CNBD2: variants seen among roughly 807,000 people sequenced by gnomAD.
CNBD2 encodes the protein cyclic nucleotide-binding domain-containing protein 2.
In CNBD2, 64 loss-of-function variants were observed where a neutral mutation model predicts 63.7. That is an observed-to-expected ratio of 1.00 (90% CI 0.82 to 1.24). The LOEUF is 1.24. Ranked by LOEUF, CNBD2 falls within the 50% of genes most tolerant of loss-of-function variation. The pLI, the probability that CNBD2 is intolerant of heterozygous loss-of-function variation, is 0.00. For missense variants in CNBD2, 691 were observed against 713.5 expected (o/e 0.97, Z 0.36); for synonymous variants, 229 against 255.4 (o/e 0.90, Z 0.99).
At chr20:36,019,838 C>A (rs1474788839) in intron 10 of CNBD2, among the ~76,000 whole-genome samples, 1 of 152,180 alleles carries the variant, frequency 6.6e-6, no homozygotes, top group Non-Finnish European at 1.5e-5. Flanking sequence ...TGTGTGCATG[C>A]AGCAAGTGGG....
At chr20:35,975,833 T>G (rs1601023278) in intron 2 of CNBD2, 116 bp from the exon 3 acceptor site, 1 of 902,968 alleles carries the variant, frequency 1.1e-6, no homozygotes. Context: ...TGCTATGAGG[T>G]TTCCCATGGC....
At chr20:36,000,124 T>G (rs902874789) in intron 8 of CNBD2, among the ~76,000 whole-genome samples, 6 of 152,248 alleles carry the variant, frequency 3.9e-5, no homozygotes, top group African/African-American at 1.4e-4. Context: ...CCTGAAGTAC[T>G]TCCTTTAACA....
rs777826753 is a variant in CNBD2 at position 35,995,059 on chromosome 20, CTGT to C, written c.880_882del (p.Leu294del). The C allele has an allele frequency of 1.1e-5, 17 of 1,614,126 alleles. No homozygotes were observed. In the South Asian group the frequency reaches 1.9e-4, roughly 18 times the overall value. On this transcript the variant is annotated inframe_deletion, in exon 8 of 12. Coordinates refer to ENST00000373973, the MANE Select transcript of CNBD2 (RefSeq NM_001365709.1). ...TCAGGGCAGCTGTGAAGTCCTGCGG[CTGT>C]TGGACCTTGGGGCCTCCCCTTCCTA... is the stretch of plus-strand genomic sequence containing the variant.
chr20:35,977,470 G>A (rs2056537081), intron 3 of CNBD2, among the ~76,000 whole-genome samples: 1 of 152,170 alleles, frequency 6.6e-6, no homozygotes, highest in African/African-American at 2.4e-5. Context: ...AGGAGTTTTA[G>A]ACCAGTCTGA....
intron 10 of CNBD2, among the ~76,000 whole-genome samples, chr20:36,021,281 T>TA (rs2057204003): frequency 6.6e-6 from 1 of 152,118 alleles, no homozygotes; most frequent in African/African-American, 2.4e-5. Flanking sequence ...TGGAGGCTGT[T>TA]ATGTTAAGTG....
At chr20:35,982,771 G>T (rs2056614390) in intron 4 of CNBD2, among the ~76,000 whole-genome samples, 1 of 151,694 alleles carries the variant, frequency 6.6e-6, no homozygotes, top group Non-Finnish European at 1.5e-5. Context: ...AGAGTGCAGT[G>T]GTATGATCAT....
intron 8 of CNBD2, among the ~76,000 whole-genome samples, chr20:35,998,864 C>T (rs1429804098): frequency 8.6e-6 from 1 of 116,140 alleles, no homozygotes; most frequent in Non-Finnish European, 1.6e-5. Flanking sequence ...CAGAGCAAGA[C>T]TGTGTCTCTC....
intron 9 of CNBD2, among the ~76,000 whole-genome samples, chr20:36,009,204 C>CTT (rs1241652985): frequency 1.1e-4 from 15 of 140,084 alleles, no homozygotes; most frequent in Non-Finnish European, 1.7e-4. Flanking sequence ...TTGTCTCTCT[C>CTT]TTTTTTTTTT....
At chr20:35,963,068 G>A (rs957583456) in intron 2 of CNBD2, among the ~76,000 whole-genome samples, 21 of 152,130 alleles carry the variant, frequency 1.4e-4, no homozygotes, top group African/African-American at 3.1e-4. Flanking sequence ...TTTAGGCTGG[G>A]CGTGGTGGCT....
intron 8 of CNBD2, among the ~76,000 whole-genome samples, chr20:36,006,978 A>G (rs2056993172): frequency 6.6e-6 from 1 of 152,154 alleles, no homozygotes; most frequent in Non-Finnish European, 1.5e-5. Context: ...TCATGAGGTC[A>G]GGAGATTGAG....
At chr20:35,960,321 C>T (rs1056592144), downstream of CNBD2, among the ~76,000 whole-genome samples, 1 of 152,204 alleles carries the variant, frequency 6.6e-6, no homozygotes, top group East Asian at 1.9e-4. Flanking sequence ...TCTACATCCT[C>T]ATCAGCACTT....
intron 11 of CNBD2, 57 bp downstream of exon 11, chr20:36,023,828 GTT>G (rs2057251646): frequency 4.8e-6 from 7 of 1,449,882 alleles, no homozygotes; most frequent in Non-Finnish European, 6.5e-6. Context: ...TTTTTCACCT[GTT>G]ATTTTAGTAA....
intron 7 of CNBD2, among the ~76,000 whole-genome samples, chr20:35,994,126 T>A (rs2056787581): frequency 6.6e-6 from 1 of 151,812 alleles, no homozygotes; most frequent in Non-Finnish European, 1.5e-5. Flanking sequence ...AGTGCAATGA[T>A]GCGATCTTGG....
At chr20:35,954,651 C>T, upstream of CNBD2, 2 of 1,269,248 alleles carry the variant, frequency 1.6e-6, no homozygotes, top group African/African-American at 1.5e-5. Flanking sequence ...CGAATGGTGG[C>T]GCCTCTGAGC....
At chr20:35,967,143 C>T (rs1194895117), upstream of CNBD2, among the ~76,000 whole-genome samples, 1 of 151,960 alleles carries the variant, frequency 6.6e-6, no homozygotes, top group South Asian at 2.1e-4. Context: ...GGTGGCAGCT[C>T]GACCAGGCGG....
At chr20:35,967,709 C>T (rs1048765670), upstream of CNBD2, among the ~76,000 whole-genome samples, 7 of 152,010 alleles carry the variant, frequency 4.6e-5, no homozygotes, top group East Asian at 3.9e-4. Flanking sequence ...AAAAATCAGC[C>T]GGGCATGGTG....
At chr20:36,013,967 G>GAGGGCGGA (rs1250386314) in intron 10 of CNBD2, among the ~76,000 whole-genome samples, 1 of 151,968 alleles carries the variant, frequency 6.6e-6, no homozygotes. Context: ...GGATCACGAG[G>GAGGGCGGA]TCAGGAGATC....
chr20:35,985,225 G>C (rs6060742), intron 6 of CNBD2, among the ~76,000 whole-genome samples: 4 of 152,136 alleles, frequency 2.6e-5, no homozygotes, highest in African/African-American at 9.7e-5. Context: ...CTTGGGCCCA[G>C]GAGTTCGAGG....
intron 11 of CNBD2, among the ~76,000 whole-genome samples, chr20:36,030,034 A>C (rs1363216072): frequency 6.6e-6 from 1 of 152,232 alleles, no homozygotes; most frequent in Non-Finnish European, 1.5e-5. Flanking sequence ...ATATAAAATG[A>C]TTAAGGAGCT....
Sources: gnomAD v4.1 joint callset for allele counts (sites outside exome capture counted in the v4.1 genomes callset) on GRCh38, gnomAD v4.1.1 for gene constraint, MANE v1.5 for transcripts, NCBI Gene and HGNC (gene_info 2026-07-23, HGNC 2026-07-21) for gene names.